The following PARP8 variants were observed in gnomAD, a reference collection of about 807,000 sequenced individuals.
The protein encoded by PARP8 is protein mono-ADP-ribosyltransferase PARP8.
A neutral mutation model predicts 124.1 loss-of-function variants in PARP8; 51 were observed. The observed-to-expected ratio is 0.41, with a 90% CI of 0.33 to 0.52. The LOEUF (loss-of-function observed/expected upper bound fraction) is 0.52. Ranked by LOEUF, PARP8 falls within the 20% of genes least tolerant of loss-of-function variation. PARP8 has a pLI of 0.21. For synonymous variants in PARP8, 391 were observed against 361.5 expected (o/e 1.08, Z -0.93); for missense variants, 860 against 1,018.9 (o/e 0.84, Z 2.12).
intron 9 of PARP8, among the ~76,000 whole-genome samples, chr5:50,782,864 C>G (rs571395171): frequency 3.0e-4 from 45 of 152,182 alleles, no homozygotes; most frequent in Non-Finnish European, 4.6e-4. Context: ...GGAAGAAAAA[C>G]AGGATGGTGA....
intron 14 of PARP8, among the ~76,000 whole-genome samples, chr5:50,800,860 G>A (rs1409011539): frequency 2.0e-5 from 3 of 150,622 alleles, no homozygotes. Context: ...GGGCTTAAGT[G>A]ATCCTCCCAC....
intron 3 of PARP8, among the ~76,000 whole-genome samples, chr5:50,755,212 T>A (rs1388616615): frequency 2.6e-5 from 4 of 152,246 alleles, no homozygotes. Context: ...ATCTTGTCTT[T>A]TGTTGCCATT....
At chr5:50,839,666 T>TTCTTTC (rs1554072255) in intron 25 of PARP8, among the ~76,000 whole-genome samples, 1 of 147,390 alleles carries the variant, frequency 6.8e-6, no homozygotes, top group Non-Finnish European at 1.5e-5. Context: ...CTCTCTTTCT[T>TTCTTTC]TCTCTCTCTC....
intron 22 of PARP8, among the ~76,000 whole-genome samples, chr5:50,831,989 G>A (rs1318520140): frequency 1.3e-5 from 2 of 152,130 alleles, no homozygotes; most frequent in African/African-American, 4.8e-5. Context: ...TTCAGAATTG[G>A]CATTTGAAAT....
chr5:50,684,524 A>G (rs1751640115), intron 2 of PARP8, among the ~76,000 whole-genome samples: 1 of 151,938 alleles, frequency 6.6e-6, no homozygotes, highest in Non-Finnish European at 1.5e-5. Flanking sequence ...TATAAAATAT[A>G]TTCATATATT....
chr5:50,753,252 C>T (rs1363562561), intron 3 of PARP8, among the ~76,000 whole-genome samples: 1 of 151,796 alleles, frequency 6.6e-6, no homozygotes, highest in Admixed American at 6.6e-5. Flanking sequence ...GAAAGGCTTA[C>T]CTACTGTTGG....
intron 2 of PARP8, among the ~76,000 whole-genome samples, chr5:50,691,543 A>T (rs993053259): frequency 1.3e-5 from 2 of 152,140 alleles, no homozygotes; most frequent in African/African-American, 4.8e-5. Context: ...TAATTTAATG[A>T]CACCTTCTGT....
At chr5:50,823,372 C>T (rs929833684) in intron 17 of PARP8, among the ~76,000 whole-genome samples, 3 of 152,126 alleles carry the variant, frequency 2.0e-5, no homozygotes, top group African/African-American at 7.2e-5. Flanking sequence ...GTCAAATATT[C>T]GTTCATTCAC....
intron 3 of PARP8, among the ~76,000 whole-genome samples, chr5:50,752,413 C>G (rs1759359501): frequency 6.6e-6 from 1 of 151,958 alleles, no homozygotes; most frequent in African/African-American, 2.4e-5. Flanking sequence ...TGATTATTAT[C>G]TCTTCTGTTT....
chr5:50,731,039 A>G (rs564780704), intron 2 of PARP8, among the ~76,000 whole-genome samples: 42 of 152,322 alleles, frequency 2.8e-4, no homozygotes, highest in Admixed American at 2.4e-3. Flanking sequence ...GTAAGCAAAA[A>G]AGGTCAGTGC....
chr5:50,805,113 G>A (rs1210541776), intron 14 of PARP8, among the ~76,000 whole-genome samples: 3 of 152,006 alleles, frequency 2.0e-5, no homozygotes, highest in Non-Finnish European at 4.4e-5. Context: ...TTTATAGAGA[G>A]GTGGAAGTTT....
chr5:50,666,135 C>G (rs1335620661), upstream of PARP8: 1 of 152,216 alleles, frequency 6.6e-6, no homozygotes, highest in African/African-American at 2.4e-5. Context: ...CCCAAAAGGG[C>G]TGAACTACTT....
rs1204545039 is a variant in PARP8, at chr5:50,829,936, G to A, written c.2208G>A (p.Met736Ile). Reference sequence around the variant, plus strand: ...GAAGTGGAATCTATCTTAGTCCAATGTCAAGCATATCATTTGGTTACTCAG... The same window carrying A: ...GAAGTGGAATCTATCTTAGTCCAATATCAAGCATATCATTTGGTTACTCAG... ...MYGSGIYLSPMSSISFGYSGM... is the reference protein window; with the variant it reads ...MYGSGIYLSPISSISFGYSGM... The change falls in exon 22 of 26, where the codon ATG becomes ATA. Residue 736 changes from methionine to isoleucine, a missense_variant. Met to Ile is a conservative substitution (Grantham distance 10). Around this residue, in one of 2 missense-constraint regions of PARP8, gnomAD observed 343 missense variants for 474.7 expected, o/e 0.72. Transcript: ENST00000281631. 1 of 1,608,952 alleles carries A rather than the reference G, an allele frequency of 6.2e-7. No individual in the cohort carries two copies.
At chr5:50,782,267 G>A (rs1027343073) in intron 9 of PARP8, among the ~76,000 whole-genome samples, 1 of 152,062 alleles carries the variant, frequency 6.6e-6, no homozygotes, top group Non-Finnish European at 1.5e-5. Context: ...TCTCACATGG[G>A]GATGGCATTA....
intron 2 of PARP8, among the ~76,000 whole-genome samples, chr5:50,728,958 T>C (rs968319917): frequency 2.6e-5 from 4 of 152,142 alleles, no homozygotes; most frequent in Non-Finnish European, 4.4e-5. Context: ...GGCAACTTAT[T>C]ATCTAATTTT....
intron 2 of PARP8, among the ~76,000 whole-genome samples, chr5:50,727,645 G>C (rs557727235): frequency 6.6e-6 from 1 of 152,082 alleles, no homozygotes; most frequent in African/African-American, 2.4e-5. Flanking sequence ...AACCACTAAA[G>C]GGAAGTTTGG....
At position 50,801,217 on chromosome 5, in the gene PARP8, C is replaced by T. The variant is rs569219395; in HGVS notation, c.1575+3984C>T. On this transcript the variant is annotated intron_variant, in intron 14 of 25. Transcript: ENST00000281631. Reference sequence around the variant, plus strand: ...CCGGGTTCAAGTGATTCTCCTGCCTCAGCCTCCGAGTAGCTGGGATTACAG... The same window carrying T: ...CCGGGTTCAAGTGATTCTCCTGCCTTAGCCTCCGAGTAGCTGGGATTACAG... Among the ~76,000 whole-genome samples, 173 of 152,192 alleles carry T rather than the reference C, an allele frequency of 1.1e-3. 1 individual carries two copies. Among genetic ancestry groups the T allele is most frequent in the African/African-American group, 4.0e-3 (168 of 41,532 alleles).
At chr5:50,754,057 AAAG>A (rs1435001725) in intron 3 of PARP8, among the ~76,000 whole-genome samples, 2 of 145,764 alleles carry the variant, frequency 1.4e-5, no homozygotes, top group Non-Finnish European at 3.0e-5. Context: ...GAAAAAAAAA[AAAG>A]AGCTTAGAAG....
At chr5:50,667,258 C>G in intron 1 of PARP8, 72 bp downstream of exon 1, 2 of 1,445,328 alleles carry the variant, frequency 1.4e-6, no homozygotes, top group Non-Finnish European at 1.9e-6. Context: ...ACGTCTGTGG[C>G]TGGGGGTGGG....
Sources: gnomAD v4.1 joint callset for allele counts (sites outside exome capture counted in the v4.1 genomes callset) on GRCh38, gnomAD v4.1.1 for gene constraint, gnomAD v4.1.1 regional missense constraint, MANE v1.5 for transcripts, NCBI Gene and HGNC (gene_info 2026-07-23, HGNC 2026-07-21) for gene names.